Variants in CHSY3 observed in about 807,000 individuals in gnomAD.
CHSY3 encodes chondroitin sulfate synthase 3.
CHSY3 carries 35 observed loss-of-function variants against 67.2 expected under a neutral mutation model. The ratio of observed to expected loss-of-function variants is 0.52; its 90% CI spans 0.40 to 0.69. The LOEUF (loss-of-function observed/expected upper bound fraction) is 0.69, where lower values mean the gene tolerates loss of function less well. Ranked by LOEUF, CHSY3 falls within the 30% of genes least tolerant of loss-of-function variation. CHSY3 has a pLI of 0.00. For synonymous variants in CHSY3, 474 were observed against 434.7 expected (o/e 1.09, Z -1.12); for missense variants, 1,069 against 1,138.5 (o/e 0.94, Z 0.88).
At chr5:130,014,159 A>C (rs1050675407) in intron 2 of CHSY3, among the ~76,000 whole-genome samples, 6 of 152,180 alleles carry the variant, frequency 3.9e-5, no homozygotes, top group Non-Finnish European at 7.3e-5. Flanking sequence ...TTTTGGTCAA[A>C]GCCATTCAAA....
At chr5:130,077,134 A>T (rs1198534206) in intron 2 of CHSY3, among the ~76,000 whole-genome samples, 1 of 151,932 alleles carries the variant, frequency 6.6e-6, no homozygotes, top group Non-Finnish European at 1.5e-5. Context: ...AAATTTAAAA[A>T]AAAAAAGATT....
chr5:129,991,937 T>C (rs1172898103), intron 2 of CHSY3, among the ~76,000 whole-genome samples: 1 of 152,200 alleles, frequency 6.6e-6, no homozygotes, highest in Non-Finnish European at 1.5e-5. Context: ...TTATGCCCTT[T>C]CTCTGTTTAT....
intron 2 of CHSY3, among the ~76,000 whole-genome samples, chr5:130,180,671 A>T (rs1770217716): frequency 6.6e-6 from 1 of 151,788 alleles, no homozygotes; most frequent in Non-Finnish European, 1.5e-5. Flanking sequence ...TAGGCAACAT[A>T]GTGAGACCCA....
intron 2 of CHSY3, among the ~76,000 whole-genome samples, chr5:130,053,460 G>A (rs781741033): frequency 6.6e-6 from 1 of 152,132 alleles, no homozygotes; most frequent in South Asian, 2.1e-4. Context: ...AAATGCATCC[G>A]TTAGTAATGA....
In CHSY3 at chr5:129,905,254, C is replaced by A; in HGVS notation, c.425C>A (p.Ala142Asp). The stretch of plus-strand genomic sequence containing the variant: ...CCCGAGGAGGAGGACGGGGGCGCGG[C>A]TGGGCAGCGGAGAGACGGCCGGCCG... The part of the protein sequence containing the change: ...GEPEEEDGGA[A>D]GQRRDGRPGS... Residue 142 changes from alanine to aspartate, a missense_variant, in exon 1 of 3, where the codon GCT becomes GAT. Ala to Asp is a moderately radical substitution (Grantham distance 126, BLOSUM62 -2). Coordinates refer to ENST00000305031, the MANE Select transcript of CHSY3 (RefSeq NM_175856.5). 1 of 1,457,490 alleles carries A rather than the reference C, an allele frequency of 6.9e-7. No individual in the cohort carries two copies. Among genetic ancestry groups the A allele is most frequent in the Non-Finnish European group, 9.0e-7 (1 of 1,107,572 alleles). 90.3% of individuals were successfully genotyped at this position (1,457,490 alleles called of 1,614,324 possible).
intron 2 of CHSY3, among the ~76,000 whole-genome samples, chr5:130,041,121 T>C (rs1049117607): frequency 6.6e-6 from 1 of 152,056 alleles, no homozygotes; most frequent in Non-Finnish European, 1.5e-5. Flanking sequence ...CTCTGGAATA[T>C]TGCCCTTGGT....
intron 2 of CHSY3, among the ~76,000 whole-genome samples, chr5:130,077,745 T>C (rs144155878): frequency 6.6e-6 from 1 of 152,098 alleles, no homozygotes; most frequent in African/African-American, 2.4e-5. Flanking sequence ...CTCTTTAAAT[T>C]ACTGTGTCTA....
chr5:130,020,572 C>T (rs948260418), intron 2 of CHSY3, among the ~76,000 whole-genome samples: 13 of 149,422 alleles, frequency 8.7e-5, no homozygotes, highest in African/African-American at 2.7e-4. Flanking sequence ...TTCACACTGC[C>T]CCTTCAAAGC....
In CHSY3 at chr5:129,966,563, T is replaced by C. The variant is rs182547448; in HGVS notation, c.1086+58203T>C. Among the ~76,000 whole-genome samples the C allele has an allele frequency of 4.6e-5, 7 of 151,860 alleles. No individual in the cohort carries two copies. The East Asian group carries it at 1.4e-3, about 29-fold the overall frequency. ...AAAAATAAGTAAATAACAAATACCT[T>C]TATTTGTGTCTCATAACATCTCGGA... On this transcript the variant is annotated intron_variant, in intron 2 of 2. Coordinates refer to ENST00000305031, the MANE Select transcript of CHSY3 (RefSeq NM_175856.5).
intron 2 of CHSY3, among the ~76,000 whole-genome samples, chr5:129,910,884 C>G (rs917503161): frequency 6.6e-6 from 1 of 151,780 alleles, no homozygotes; most frequent in African/African-American, 2.4e-5. Context: ...TTGATCATTA[C>G]TTTTTTTCCC....
rs942627301 is a variant in CHSY3 at position 129,918,341 on chromosome 5, G to A, written c.1086+9981G>A. 2.6e-5 allele frequency among the ~76,000 whole-genome samples: 4 copies of A among 152,250 alleles called. No homozygotes were observed. The South Asian group carries it at 6.2e-4, about 24-fold the overall frequency. ...ATGAGTGGAATGTCTACATTGGCTC[G>A]ATTGCTTTAACATTGACTTAAATAA... On this transcript the variant is annotated intron_variant, in intron 2 of 2. Coordinates refer to ENST00000305031, the MANE Select transcript of CHSY3 (RefSeq NM_175856.5).
intron 2 of CHSY3, among the ~76,000 whole-genome samples, chr5:130,019,641 G>T (rs139641019): frequency 1.6e-3 from 247 of 152,170 alleles, no homozygotes; most frequent in African/African-American, 5.5e-3. Flanking sequence ...TAACAACCTC[G>T]TTTATCTTTC....
chr5:129,956,765 G>A (rs2149604825), intron 2 of CHSY3, among the ~76,000 whole-genome samples: 1 of 152,022 alleles, frequency 6.6e-6, no homozygotes, highest in Admixed American at 6.6e-5. Flanking sequence ...TGAAAGCTCA[G>A]ATGGTTGTAG....
At chr5:130,060,734 T>C (rs1014371298) in intron 2 of CHSY3, among the ~76,000 whole-genome samples, 1 of 152,094 alleles carries the variant, frequency 6.6e-6, no homozygotes, top group African/African-American at 2.4e-5. Flanking sequence ...AAAATCAGTG[T>C]GCAGAAATCA....
In CHSY3 at chr5:130,184,809, C is replaced by A; in HGVS notation, c.1667C>A (p.Pro556Gln). The change falls in exon 3 of 3, where the codon CCA (proline) becomes CAA (glutamine). Residue 556 changes from proline (P) to glutamine (Q), a missense_variant. By Grantham distance (76) the Pro-to-Gln change is moderately conservative. Around this residue, in one of 5 missense-constraint regions of CHSY3, gnomAD observed 401 missense variants for 395.2 expected, o/e 1.01. Transcript: ENST00000305031. ...CACAAGGGAAGGAAACTGACTGTGC[C>A]AGTGAGACGTCATGCCTATCTTCAG... Reference protein sequence around the residue: ...KRHKGRKLTVPVRRHAYLQQL... With the variant: ...KRHKGRKLTVQVRRHAYLQQL... The A allele has an allele frequency of 6.2e-7, 1 of 1,609,918 alleles. No homozygotes were observed.
intron 2 of CHSY3, among the ~76,000 whole-genome samples, chr5:129,927,187 A>G (rs1761145100): frequency 6.6e-6 from 1 of 151,724 alleles, no homozygotes; most frequent in Non-Finnish European, 1.5e-5. Flanking sequence ...TGCCTCTAAT[A>G]TTTCTTTGTT....
chr5:130,042,115 A>T (rs1765020845), intron 2 of CHSY3, among the ~76,000 whole-genome samples: 1 of 152,082 alleles, frequency 6.6e-6, no homozygotes, highest in Non-Finnish European at 1.5e-5. Context: ...ACATGCCTGT[A>T]GTCCCAGCTA....
intron 2 of CHSY3, among the ~76,000 whole-genome samples, chr5:130,020,454 TATA>T (rs1193381413): frequency 9.7e-3 from 24 of 2,480 alleles, no homozygotes; most frequent in African/African-American, 0.021. Context: ...TATATATATA[TATA>T]TATATTTTTT....
At chr5:129,988,316 A>G (rs750468577) in intron 2 of CHSY3, among the ~76,000 whole-genome samples, 3 of 152,216 alleles carry the variant, frequency 2.0e-5, no homozygotes, top group Non-Finnish European at 2.9e-5. Flanking sequence ...GATAAAAGGC[A>G]TAGCTCATTC....
Sources: gnomAD v4.1 joint callset for allele counts (sites outside exome capture counted in the v4.1 genomes callset) on GRCh38, gnomAD v4.1.1 for gene constraint, gnomAD v4.1.1 regional missense constraint, MANE v1.5 for transcripts, NCBI Gene and HGNC (gene_info 2026-07-23, HGNC 2026-07-21) for gene names.